Variants in ACYP2 observed in about 807,000 individuals in gnomAD.
The protein encoded by ACYP2 is acylphosphatase 2.
Under a neutral mutation model 11.2 loss-of-function variants are expected in ACYP2, and 12 were observed. The observed-to-expected ratio is 1.08, with a 90% CI of 0.69 to 1.74. ACYP2 has a LOEUF of 1.74. Ranked by LOEUF, ACYP2 falls within the 40% of genes most tolerant of loss-of-function variation. The pLI is 0.00. For synonymous variants in ACYP2, 43 were observed against 32.2 expected, an observed-to-expected ratio of 1.33 and a Z score of -1.13; for missense variants, 134 against 101.9, an observed-to-expected ratio of 1.31 and a Z score of -1.35.
chr2:54,102,937 A>C (rs533715484), intron 4 of ACYP2, among the ~76,000 whole-genome samples: 4 of 152,176 alleles, frequency 2.6e-5, no homozygotes, highest in Non-Finnish European at 5.9e-5. Flanking sequence ...TGAGGAAGGA[A>C]GACTTTGGTT....
At chr2:54,144,026 A>T (rs147102014) in intron 6 of ACYP2, among the ~76,000 whole-genome samples, 153 of 152,136 alleles carry the variant, frequency 1.0e-3, no homozygotes, top group African/African-American at 3.3e-3. Context: ...CTGGAGTGCA[A>T]TGGCACAATC....
At chr2:54,284,358 C>G (rs1192756310) in intron 6 of ACYP2, among the ~76,000 whole-genome samples, 1 of 152,214 alleles carries the variant, frequency 6.6e-6, no homozygotes, top group East Asian at 1.9e-4. Flanking sequence ...ACCAGTCTAT[C>G]TGAGGTGGCC....
intron 6 of ACYP2, among the ~76,000 whole-genome samples, chr2:54,165,832 A>C (rs1262761799): frequency 1.3e-5 from 2 of 152,030 alleles, no homozygotes; most frequent in African/African-American, 2.4e-5. Context: ...AAATCTAAGG[A>C]GTTTATATAT....
intron 6 of ACYP2, among the ~76,000 whole-genome samples, chr2:54,152,324 A>G (rs930428759): frequency 2.6e-5 from 4 of 151,782 alleles, no homozygotes; most frequent in Non-Finnish European, 4.4e-5. Context: ...GGATCTCGCT[A>G]TGTTTCCCGG....
chr2:54,068,306 C>G (rs1335505760), intron 4 of ACYP2, among the ~76,000 whole-genome samples: 1 of 152,146 alleles, frequency 6.6e-6, no homozygotes, highest in Non-Finnish European at 1.5e-5. Context: ...TTATAAAAGA[C>G]CCGTTGAATA....
At chr2:53,996,847 G>T (rs1261466177) in intron 2 of ACYP2, among the ~76,000 whole-genome samples, 1 of 152,026 alleles carries the variant, frequency 6.6e-6, no homozygotes, top group Non-Finnish European at 1.5e-5. Flanking sequence ...CCTCATCTCT[G>T]TATTAAATAC....
chr2:54,202,233 C>G (rs1684867765), intron 6 of ACYP2, among the ~76,000 whole-genome samples: 1 of 152,060 alleles, frequency 6.6e-6, no homozygotes. Flanking sequence ...CTTGGCATCC[C>G]AAGTAGCTGG....
intron 2 of ACYP2, among the ~76,000 whole-genome samples, chr2:53,988,324 G>GT (rs1187856678): frequency 6.6e-5 from 10 of 152,056 alleles, no homozygotes; most frequent in Non-Finnish European, 1.2e-4. Flanking sequence ...TCATTAGTTA[G>GT]TTTTTATATG....
At chr2:54,134,269 G>A (rs1681094876) in intron 4 of ACYP2, among the ~76,000 whole-genome samples, 2 of 151,786 alleles carry the variant, frequency 1.3e-5, no homozygotes. Flanking sequence ...TTCCAGCCTG[G>A]GTGCAGAGCA....
chr2:54,059,161 A>G (rs1676332246), intron 4 of ACYP2, among the ~76,000 whole-genome samples: 1 of 151,172 alleles, frequency 6.6e-6, no homozygotes, highest in Non-Finnish European at 1.5e-5. Flanking sequence ...CTTTCTTTTG[A>G]GTTAAGAATT....
At chr2:54,057,624 T>C (rs1406674670) in intron 4 of ACYP2, among the ~76,000 whole-genome samples, 2 of 152,236 alleles carry the variant, frequency 1.3e-5, no homozygotes, top group African/African-American at 4.8e-5. Flanking sequence ...GCATACTAAA[T>C]TTGTTTACTC....
intron 4 of ACYP2, among the ~76,000 whole-genome samples, chr2:54,097,617 T>G (rs1678660670): frequency 6.6e-6 from 1 of 152,042 alleles, no homozygotes; most frequent in Admixed American, 6.6e-5. Context: ...TGGTGAACCC[T>G]AGGAATCTAT....
intron 6 of ACYP2, chr2:54,255,122 G>A (rs754823930): frequency 8.7e-6 from 14 of 1,614,108 alleles, no homozygotes; most frequent in Non-Finnish European, 1.2e-5. Context: ...ATGACATGTC[G>A]GTTCCTATGA....
chr2:54,097,690 G>C (rs185327637), intron 4 of ACYP2, among the ~76,000 whole-genome samples: 3 of 151,746 alleles, frequency 2.0e-5, no homozygotes, highest in Non-Finnish European at 4.4e-5. Context: ...CTTTATTCTC[G>C]GGGGAGGAAG....
At chr2:54,201,685 TC>T (rs1225446337) in intron 6 of ACYP2, among the ~76,000 whole-genome samples, 31 of 144,590 alleles carry the variant, frequency 2.1e-4, no homozygotes, top group African/African-American at 7.3e-4. Flanking sequence ...TTTCTTTCTC[TC>T]TCTCTCTCTC....
chr2:54,073,239 A>G (rs1303433670), intron 4 of ACYP2, among the ~76,000 whole-genome samples: 1 of 152,194 alleles, frequency 6.6e-6, no homozygotes, highest in African/African-American at 2.4e-5. Context: ...AGAATAAATC[A>G]AAATGAGCCA....
intron 4 of ACYP2, among the ~76,000 whole-genome samples, chr2:54,066,466 G>A (rs886525359): frequency 1.3e-5 from 2 of 152,142 alleles, no homozygotes; most frequent in East Asian, 1.9e-4. Context: ...CGCTTCAACC[G>A]TATGAAATAG....
intron 6 of ACYP2, among the ~76,000 whole-genome samples, chr2:54,250,227 C>G (rs1053570042): frequency 6.6e-6 from 1 of 152,118 alleles, no homozygotes; most frequent in Non-Finnish European, 1.5e-5. Flanking sequence ...CGCTATAATC[C>G]CAGCACTTTG....
At chr2:54,072,335 C>G (rs1472220419) in intron 4 of ACYP2, among the ~76,000 whole-genome samples, 1 of 152,022 alleles carries the variant, frequency 6.6e-6, no homozygotes, top group Non-Finnish European at 1.5e-5. Context: ...GTGACAGGGT[C>G]TCACTCTATA....
Sources: allele counts gnomAD v4.1 joint callset (sites outside exome capture counted in the v4.1 genomes callset), GRCh38; gene constraint gnomAD v4.1.1; transcripts MANE v1.5; gene names NCBI Gene and HGNC (gene_info 2026-07-23, HGNC 2026-07-21).